SLCO1B1: variants seen among roughly 807,000 people sequenced by gnomAD.
SLCO1B1 encodes solute carrier organic anion transporter family member 1B1, also known as OATP-2.
SLCO1B1 carries 81 observed loss-of-function variants against 70.1 expected under a neutral mutation model. The ratio of observed to expected loss-of-function variants is 1.16; its 90% confidence interval spans 0.97 to 1.39. The LOEUF (loss-of-function observed/expected upper bound fraction) is 1.39, where lower values mean the gene tolerates loss of function less well. SLCO1B1 is among the 40% of genes most tolerant of loss of function. The pLI, the probability that SLCO1B1 is intolerant of heterozygous loss-of-function variation, is 0.00. For missense variants in SLCO1B1, 895 were observed against 799.6 expected, an observed-to-expected ratio of 1.12 and a Z score of -1.44; for synonymous variants, 283 against 271.5, an observed-to-expected ratio of 1.04 and a Z score of -0.42.
intron 14 of SLCO1B1, among the ~76,000 whole-genome samples, chr12:21,236,061 C>A (rs1373161228): frequency 1.3e-5 from 2 of 152,006 alleles, no homozygotes; most frequent in African/African-American, 4.8e-5. Flanking sequence ...GTATCTCATA[C>A]TATAGTATGT....
chr12:21,234,236 C>T lies in SLCO1B1; in HGVS notation c.1866-4743C>T, dbSNP rs144110598. ...GCTGAGTCACTTCCTGGGAGGGGGCCACAGGATGAGATAGGCCAGTTTATC... is the reference window on the plus strand; with the variant it reads ...GCTGAGTCACTTCCTGGGAGGGGGCTACAGGATGAGATAGGCCAGTTTATC... On this transcript the variant is annotated intron_variant, in intron 14 of 14. Coordinates refer to ENST00000256958, the MANE Select transcript of SLCO1B1 (RefSeq NM_006446.5). Among the ~76,000 whole-genome samples, 1,208 of 151,914 alleles carry T rather than the reference C, an allele frequency of 8.0e-3. 15 individuals are homozygous for T. Among genetic ancestry groups the T allele is most frequent in the African/African-American group, 0.026 (1,086 of 41,400 alleles).
intron 14 of SLCO1B1, among the ~76,000 whole-genome samples, 188 bp downstream of exon 14, chr12:21,225,027 A>G (rs1379869579): frequency 2.6e-5 from 4 of 152,116 alleles, no homozygotes; most frequent in African/African-American, 9.7e-5. Flanking sequence ...TAGGAAATGG[A>G]TATTTTCTTC....
chr12:21,227,810 A>G (rs1343671149), intron 14 of SLCO1B1, among the ~76,000 whole-genome samples: 1 of 116,182 alleles, frequency 8.6e-6, no homozygotes, highest in Non-Finnish European at 2.2e-5. Flanking sequence ...CCCTAAAACT[A>G]TTTTTTAAGC....
chr12:21,185,413 C>A (rs1296930026), intron 7 of SLCO1B1, among the ~76,000 whole-genome samples: 1 of 151,964 alleles, frequency 6.6e-6, no homozygotes, highest in African/African-American at 2.4e-5. Context: ...CATTCTTGAA[C>A]AAAAGTGCAA....
intron 2 of SLCO1B1, among the ~76,000 whole-genome samples, chr12:21,164,039 T>C (rs189506380): frequency 1.3e-5 from 2 of 152,242 alleles, no homozygotes; most frequent in East Asian, 3.9e-4. Context: ...GCAAACTCTT[T>C]AAATTTTTAC....
intron 14 of SLCO1B1, among the ~76,000 whole-genome samples, chr12:21,231,354 GA>G (rs903098790): frequency 9.2e-5 from 14 of 152,146 alleles, no homozygotes; most frequent in African/African-American, 3.1e-4. Flanking sequence ...TTCTGTTTTA[GA>G]AGGTTATTAA....
intron 2 of SLCO1B1, among the ~76,000 whole-genome samples, chr12:21,159,304 T>A (rs934092617): frequency 6.6e-6 from 1 of 152,062 alleles, no homozygotes. Context: ...AGAGTTTAAA[T>A]AGCATAAAAT....
chr12:21,162,512 A>G (rs2121080366), intron 2 of SLCO1B1, among the ~76,000 whole-genome samples: 1 of 152,328 alleles, frequency 6.6e-6, no homozygotes, highest in African/African-American at 2.4e-5. Context: ...AAGCTTCAGT[A>G]AGGAGGTGGC....
chr12:21,165,443 G>A (rs569840043), intron 2 of SLCO1B1, among the ~76,000 whole-genome samples: 7 of 152,046 alleles, frequency 4.6e-5, no homozygotes, highest in South Asian at 2.1e-4. Flanking sequence ...CTCATAAAAC[G>A]TCTGAGAAGA....
At chr12:21,140,891 T>C (rs1471562270) in intron 1 of SLCO1B1, among the ~76,000 whole-genome samples, 1 of 151,962 alleles carries the variant, frequency 6.6e-6, no homozygotes, top group Non-Finnish European at 1.5e-5. Context: ...GGAAAAGAAA[T>C]GAACAAAATC....
chr12:21,167,873 G>T (rs112818358), intron 2 of SLCO1B1, among the ~76,000 whole-genome samples: 57 of 148,604 alleles, frequency 3.8e-4, no homozygotes, highest in African/African-American at 1.4e-3. Flanking sequence ...TTGGAGTGCA[G>T]TGGTGTGATC....
chr12:21,190,437 G>A (rs187538921), intron 7 of SLCO1B1, among the ~76,000 whole-genome samples: 2 of 152,196 alleles, frequency 1.3e-5, no homozygotes, highest in East Asian at 1.9e-4. Flanking sequence ...GTAGGCCAGG[G>A]TCTACCAGGA....
intron 7 of SLCO1B1, among the ~76,000 whole-genome samples, chr12:21,179,339 A>G (rs993236019): frequency 6.6e-6 from 1 of 152,138 alleles, no homozygotes; most frequent in African/African-American, 2.4e-5. Context: ...TTTTCAGTTG[A>G]TGGTGGCTTG....
rs530881245 is a variant in SLCO1B1 at position 21,199,117 on chromosome 12, C to T, written c.971-1391C>T. ...TCTTTTCTGTTTCTTTTCTCTAACT[C>T]CTTCTACTCCTTATTTCAAGCAGAT... is the stretch of plus-strand genomic sequence containing the variant. On this transcript the variant is annotated intron_variant, in intron 8 of 14. Coordinates refer to ENST00000256958, the MANE Select transcript of SLCO1B1 (RefSeq NM_006446.5). Among the ~76,000 whole-genome samples, 8 of 151,900 alleles carry T rather than the reference C, an allele frequency of 5.3e-5. 1 individual carries two copies. The highest frequency in any genetic ancestry group is 2.1e-4 in the South Asian group (1 of 4,810).
chr12:21,216,744 C>T (rs979032282), intron 11 of SLCO1B1, among the ~76,000 whole-genome samples: 1 of 152,112 alleles, frequency 6.6e-6, no homozygotes, highest in African/African-American at 2.4e-5. Context: ...CAGGGCATGT[C>T]TCTGAAACTT....
chr12:21,139,187 AT>A lies in SLCO1B1; in HGVS notation c.-61-2320del, dbSNP rs201551410. ...ATACAGAGATATTTGCTATTATATAATTTTTTTAAAAAAAGATTTCCTAATA... is the reference window on the plus strand; with the variant it reads ...ATACAGAGATATTTGCTATTATATAATTTTTTAAAAAAAGATTTCCTAATA... On this transcript the variant is annotated intron_variant, in intron 1 of 14. Transcript: ENST00000256958. Among the ~76,000 whole-genome samples, 85 of 152,016 alleles carry A rather than the reference AT, an allele frequency of 5.6e-4. No homozygotes were observed. In the South Asian group the frequency reaches 0.016, roughly 29 times the overall value.
At chr12:21,198,219 C>T (rs1279796498) in intron 8 of SLCO1B1, among the ~76,000 whole-genome samples, 2 of 152,056 alleles carry the variant, frequency 1.3e-5, no homozygotes, top group East Asian at 3.8e-4. Context: ...TGGCTCATAG[C>T]AGAGGACTGT....
intron 14 of SLCO1B1, among the ~76,000 whole-genome samples, chr12:21,231,307 A>C (rs1941534713): frequency 1.3e-5 from 2 of 152,106 alleles, no homozygotes; most frequent in Non-Finnish European, 1.5e-5. Flanking sequence ...GCTAATATCA[A>C]GTATAGTATC....
intron 7 of SLCO1B1, among the ~76,000 whole-genome samples, chr12:21,194,518 C>T (rs1297792460): frequency 6.6e-6 from 1 of 152,002 alleles, no homozygotes; most frequent in African/African-American, 2.4e-5. Flanking sequence ...CTATTTGAGA[C>T]CTTTTCAGCA....
Sources: gnomAD v4.1 joint callset for allele counts (sites outside exome capture counted in the v4.1 genomes callset) on GRCh38, gnomAD v4.1.1 for gene constraint, MANE v1.5 for transcripts, NCBI Gene and HGNC (gene_info 2026-07-23, HGNC 2026-07-21) for gene names.